Variants in ADAMTS6 observed in about 807,000 individuals in gnomAD.
The protein encoded by ADAMTS6 is ADAM metallopeptidase with thrombospondin type 1 motif 6, also known as A disintegrin and metalloproteinase with thrombospondin motifs 6.
ADAMTS6 carries 23 observed loss-of-function variants against 144.3 expected under a neutral mutation model. The ratio of observed to expected loss-of-function variants is 0.16; its 90% confidence interval spans 0.11 to 0.23. The LOEUF is 0.23. Among genes scored for constraint, ADAMTS6 ranks in the 10% least tolerant of loss-of-function variants. The pLI, the probability that ADAMTS6 is intolerant of heterozygous loss-of-function variation, is 1.00. For synonymous variants in ADAMTS6, 444 were observed against 457.5 expected, an observed-to-expected ratio of 0.97 and a Z score of 0.38; for missense variants, 999 against 1,379.6, an observed-to-expected ratio of 0.72 and a Z score of 4.37.
At chr5:65,415,784 C>A (rs1012684523) in intron 7 of ADAMTS6, 17 of 257,996 alleles carry the variant, frequency 6.6e-5, no homozygotes, top group African/African-American at 4.0e-4. Context: ...AAGGAGGTGG[C>A]CACTGCCATA....
At chr5:65,362,926 G>A (rs1341052395) in intron 7 of ADAMTS6, among the ~76,000 whole-genome samples, 1 of 152,028 alleles carries the variant, frequency 6.6e-6, no homozygotes, top group South Asian at 2.1e-4. Flanking sequence ...CTGCATCAAA[G>A]AATATAGCAG....
chr5:65,359,274 A>C (rs546292703), intron 7 of ADAMTS6, among the ~76,000 whole-genome samples: 1 of 152,324 alleles, frequency 6.6e-6, no homozygotes, highest in South Asian at 2.1e-4. Context: ...TCTCAAAACA[A>C]GGTACACAAA....
At chr5:65,475,261 T>C (rs1472036643) in intron 1 of ADAMTS6, among the ~76,000 whole-genome samples, 1 of 152,196 alleles carries the variant, frequency 6.6e-6, no homozygotes. Context: ...TATTGGTATA[T>C]ACAACATATA....
At chr5:65,456,194 C>G (rs1351487322) in intron 4 of ADAMTS6, among the ~76,000 whole-genome samples, 1 of 152,000 alleles carries the variant, frequency 6.6e-6, no homozygotes, top group Non-Finnish European at 1.5e-5. Context: ...TGATCTGTAA[C>G]TACTATCTTT....
chr5:65,209,298 T>A (rs1033060096), intron 20 of ADAMTS6, among the ~76,000 whole-genome samples: 1 of 152,224 alleles, frequency 6.6e-6, no homozygotes, highest in African/African-American at 2.4e-5. Flanking sequence ...CGGGAGTCAG[T>A]AAATTATAAA....
chr5:65,225,226 C>T (rs866973243), intron 16 of ADAMTS6, among the ~76,000 whole-genome samples, 179 bp from the exon 17 acceptor site: 1 of 152,120 alleles, frequency 6.6e-6, no homozygotes, highest in Non-Finnish European at 1.5e-5. Context: ...AATACTACTA[C>T]AAAAATAACT....
At chr5:65,203,036 C>T (rs1755840111) in intron 20 of ADAMTS6, among the ~76,000 whole-genome samples, 1 of 152,162 alleles carries the variant, frequency 6.6e-6, no homozygotes, top group Non-Finnish European at 1.5e-5. Context: ...TGCTTTTCCT[C>T]TGTATTCTAC....
At chr5:65,152,842 A>C (rs1381645942) in intron 24 of ADAMTS6, among the ~76,000 whole-genome samples, 2 of 152,076 alleles carry the variant, frequency 1.3e-5, no homozygotes, top group Non-Finnish European at 2.9e-5. Flanking sequence ...TTGTTTGGAG[A>C]CTTTAGGATA....
chr5:65,436,307 T>C (rs1158950115), intron 7 of ADAMTS6, among the ~76,000 whole-genome samples: 2 of 152,086 alleles, frequency 1.3e-5, no homozygotes, highest in Non-Finnish European at 2.9e-5. Context: ...TAAGACCTTG[T>C]CTCAAAACAA....
At chr5:65,372,032 A>G in intron 7 of ADAMTS6, among the ~76,000 whole-genome samples, 1 of 152,078 alleles carries the variant, frequency 6.6e-6, no homozygotes, top group East Asian at 1.9e-4. Context: ...AAGCTTCATA[A>G]GTGAAGGACA....
At chr5:65,277,084 G>A (rs1762599919) in intron 11 of ADAMTS6, among the ~76,000 whole-genome samples, 1 of 152,168 alleles carries the variant, frequency 6.6e-6, no homozygotes, top group African/African-American at 2.4e-5. Flanking sequence ...GGAGAGAGAA[G>A]TTATCCACAG....
At chr5:65,160,653 A>ATTTT (rs10644572) in intron 24 of ADAMTS6, among the ~76,000 whole-genome samples, 8,880 of 125,978 alleles carry the variant, frequency 0.07, 531 homozygotes, top group Non-Finnish European at 0.11. Flanking sequence ...TCTTTCCTCC[A>ATTTT]TTTTTTTTTT....
intron 14 of ADAMTS6, chr5:65,256,320 G>A (rs1760658322): frequency 6.6e-6 from 1 of 152,198 alleles, no homozygotes. Flanking sequence ...GACAGTGCTA[G>A]TGTAGATTAG....
At chr5:65,388,482 T>C (rs926599095) in intron 7 of ADAMTS6, among the ~76,000 whole-genome samples, 1 of 152,138 alleles carries the variant, frequency 6.6e-6, no homozygotes, top group Non-Finnish European at 1.5e-5. Flanking sequence ...AGAGCATGAT[T>C]TTTGGAGCTA....
At chr5:65,291,305 A>C in intron 11 of ADAMTS6, 24 bp downstream of exon 11, 1 of 1,596,468 alleles carries the variant, frequency 6.3e-7, no homozygotes, top group Non-Finnish European at 8.5e-7. Context: ...TAAATGACGA[A>C]ACATAAGGAT....
At position 65,406,267 on chromosome 5, in the gene ADAMTS6, G is replaced by A. The variant is rs956764920; in HGVS notation, c.1073+45208C>T. On this transcript the variant is annotated intron_variant, in intron 7 of 24. Transcript: ENST00000381055. ...CTTCCAGTTTTTGCCCATTCAGTAT[G>A]ATATTGGCTGTGGGTTTGTCATAAA... Among the ~76,000 whole-genome samples the A allele has an allele frequency of 3.2e-4, 49 of 152,134 alleles. 3 individuals are homozygous for A. The highest frequency in any genetic ancestry group is 7.4e-5 in the Non-Finnish European group (5 of 68,022).
At chr5:65,209,216 T>C (rs1260039885) in intron 20 of ADAMTS6, among the ~76,000 whole-genome samples, 1 of 152,230 alleles carries the variant, frequency 6.6e-6, no homozygotes, top group Non-Finnish European at 1.5e-5. Flanking sequence ...ACAATACAAC[T>C]TTCCCTACCC....
chr5:65,371,926 G>C (rs966455664), intron 7 of ADAMTS6, among the ~76,000 whole-genome samples: 1 of 152,032 alleles, frequency 6.6e-6, no homozygotes, highest in Non-Finnish European at 1.5e-5. Context: ...TGGACCTCTC[G>C]GCAGAAACTC....
At chr5:65,275,513 C>T (rs1219132289) in intron 11 of ADAMTS6, among the ~76,000 whole-genome samples, 1 of 151,508 alleles carries the variant, frequency 6.6e-6, no homozygotes, top group East Asian at 1.9e-4. Flanking sequence ...AAACATAAAA[C>T]GTTCTCATGT....
Sources: allele counts gnomAD v4.1 joint callset (sites outside exome capture counted in the v4.1 genomes callset), GRCh38; gene constraint gnomAD v4.1.1; transcripts MANE v1.5; gene names NCBI Gene and HGNC (gene_info 2026-07-23, HGNC 2026-07-21).